The following PDE11A variants were observed in gnomAD, a reference collection of about 807,000 sequenced individuals.
The protein encoded by PDE11A is phosphodiesterase 11A.
In PDE11A, 100 loss-of-function variants were observed where a neutral mutation model predicts 100.5. The observed-to-expected ratio is 1.00, with a 90% CI of 0.85 to 1.18. The LOEUF is 1.18. Ranked by LOEUF, PDE11A falls within the 50% of genes most tolerant of loss-of-function variation. PDE11A has a pLI of 0.00. For synonymous variants in PDE11A, 381 were observed against 420.8 expected, an observed-to-expected ratio of 0.91 and a Z score of 1.16; for missense variants, 1,141 against 1,152.6, an observed-to-expected ratio of 0.99 and a Z score of 0.15.
intron 2 of PDE11A, among the ~76,000 whole-genome samples, chr2:177,978,911 C>A (rs1174757362): frequency 8.7e-6 from 1 of 114,716 alleles, no homozygotes; most frequent in Non-Finnish European, 1.8e-5. Flanking sequence ...GAATATCACA[C>A]TCTGGGGACT....
intron 9 of PDE11A, among the ~76,000 whole-genome samples, chr2:177,805,497 C>T (rs1574160382): frequency 6.6e-6 from 1 of 152,134 alleles, no homozygotes; most frequent in East Asian, 1.9e-4. Flanking sequence ...GCACAGATAA[C>T]AACATTAATT....
intron 1 of PDE11A, among the ~76,000 whole-genome samples, chr2:178,056,513 C>T (rs2086901339): frequency 6.6e-6 from 1 of 152,178 alleles, no homozygotes; most frequent in Non-Finnish European, 1.5e-5. Context: ...ACTTGTTCTA[C>T]TTAGAATGGA....
chr2:177,674,906 A>C (rs2080745792), intron 17 of PDE11A, among the ~76,000 whole-genome samples: 1 of 152,188 alleles, frequency 6.6e-6, no homozygotes, highest in Non-Finnish European at 1.5e-5. Flanking sequence ...TCAGTTGGGT[A>C]GTTACTTAAA....
At position 178,064,371 on chromosome 2, in the gene PDE11A, G is replaced by A. The variant is rs188654862; in HGVS notation, c.912+7155C>T. ...GGTTACCTTTTATGGACTGTCTTTG[G>A]GGATACAGAATCTCACGAATAAACA... On this transcript the variant is annotated intron_variant, in intron 1 of 19. Transcript: ENST00000286063. Among the ~76,000 whole-genome samples, 17 of 152,244 alleles carry A rather than the reference G, an allele frequency of 1.1e-4. 1 individual carries two copies. The East Asian group carries it at 2.9e-3, about 26-fold the overall frequency.
chr2:177,690,888 C>A (rs1243765982), intron 15 of PDE11A, among the ~76,000 whole-genome samples: 1 of 152,232 alleles, frequency 6.6e-6, no homozygotes, highest in African/African-American at 2.4e-5. Flanking sequence ...TGACTTTGGA[C>A]AAATTACTCA....
At chr2:177,724,266 C>A (rs1208295156) in intron 12 of PDE11A, among the ~76,000 whole-genome samples, 1 of 151,750 alleles carries the variant, frequency 6.6e-6, no homozygotes, top group African/African-American at 2.4e-5. Flanking sequence ...AACAGGGTTC[C>A]CAGTGAATAA....
chr2:177,969,051 A>G (rs1291640537), intron 2 of PDE11A, among the ~76,000 whole-genome samples: 1 of 142,724 alleles, frequency 7.0e-6, no homozygotes, highest in Non-Finnish European at 1.6e-5. Context: ...GGATAAAGAA[A>G]ATGTGACACA....
intron 2 of PDE11A, among the ~76,000 whole-genome samples, chr2:177,939,547 G>A (rs918274167): frequency 2.7e-5 from 4 of 147,784 alleles, no homozygotes; most frequent in East Asian, 2.0e-4. Context: ...AAGGAAGGAA[G>A]GAAGGAAGGA....
intron 1 of PDE11A, among the ~76,000 whole-genome samples, chr2:178,056,090 A>G (rs2086896657): frequency 6.6e-6 from 1 of 152,198 alleles, no homozygotes; most frequent in Non-Finnish European, 1.5e-5. Context: ...CCCTTCGACG[A>G]CTTGTCACAG....
At chr2:177,955,351 C>T (rs1282700407) in intron 2 of PDE11A, among the ~76,000 whole-genome samples, 1 of 152,166 alleles carries the variant, frequency 6.6e-6, no homozygotes, top group Non-Finnish European at 1.5e-5. Flanking sequence ...ACCCACAATT[C>T]CCTGAGAGTT....
upstream of PDE11A, chr2:178,072,811 C>A: frequency 8.3e-7 from 1 of 1,209,552 alleles, no homozygotes; most frequent in South Asian, 1.6e-5. Flanking sequence ...GGAGGTAGGG[C>A]AGGACACGCC....
chr2:177,731,948 T>C (rs1268320755), intron 10 of PDE11A, among the ~76,000 whole-genome samples: 1 of 152,238 alleles, frequency 6.6e-6, no homozygotes. Flanking sequence ...AAAAAACCTT[T>C]ATTTTTGTTT....
At chr2:178,101,351 C>T (rs1408455334) in intron 2 of PDE11A, among the ~76,000 whole-genome samples, 1 of 152,166 alleles carries the variant, frequency 6.6e-6, no homozygotes, top group Non-Finnish European at 1.5e-5. Flanking sequence ...GCTTCTGAGT[C>T]ATTTATCTGT....
At chr2:177,757,606 T>C (rs886192473) in intron 10 of PDE11A, among the ~76,000 whole-genome samples, 2 of 152,234 alleles carry the variant, frequency 1.3e-5, no homozygotes, top group African/African-American at 4.8e-5. Flanking sequence ...AAGCCTCTTA[T>C]CCCTGGATAG....
intron 10 of PDE11A, among the ~76,000 whole-genome samples, chr2:177,751,695 T>C (rs1399438279): frequency 6.6e-6 from 1 of 152,164 alleles, no homozygotes; most frequent in Non-Finnish European, 1.5e-5. Flanking sequence ...GAAACAAAAA[T>C]TTACTGATTA....
At chr2:177,822,050 C>G (rs750841897) in intron 6 of PDE11A, among the ~76,000 whole-genome samples, 27 of 151,996 alleles carry the variant, frequency 1.8e-4, no homozygotes, top group Admixed American at 1.3e-3. Context: ...TGTTTTTCCA[C>G]TCTTTTAATG....
At chr2:177,635,639 C>T (rs1001230977) in intron 19 of PDE11A, among the ~76,000 whole-genome samples, 4 of 152,170 alleles carry the variant, frequency 2.6e-5, no homozygotes, top group African/African-American at 4.8e-5. Flanking sequence ...ATAAAATCTC[C>T]GTTCTACTAT....
At chr2:177,948,071 G>A (rs1056272882) in intron 2 of PDE11A, among the ~76,000 whole-genome samples, 1 of 151,690 alleles carries the variant, frequency 6.6e-6, no homozygotes, top group Admixed American at 6.6e-5. Context: ...ATAATACTAT[G>A]TGCATGTGTG....
chr2:177,910,921 G>A (rs373371060), intron 2 of PDE11A, among the ~76,000 whole-genome samples: 25 of 152,304 alleles, frequency 1.6e-4, no homozygotes, highest in Non-Finnish European at 2.8e-4. Flanking sequence ...GGTCTACACT[G>A]GAGAATCTTA....
Sources: allele counts gnomAD v4.1 joint callset (sites outside exome capture counted in the v4.1 genomes callset), GRCh38; gene constraint gnomAD v4.1.1; transcripts MANE v1.5; gene names NCBI Gene and HGNC (gene_info 2026-07-23, HGNC 2026-07-21).